The following CLIC6 variants were observed in gnomAD, a reference collection of about 807,000 sequenced individuals.
CLIC6 encodes the protein CLIC family member 6.
In CLIC6, 39 loss-of-function variants were observed where a neutral mutation model predicts 49.2. The ratio of observed to expected loss-of-function variants is 0.79; its 90% CI spans 0.61 to 1.04. The LOEUF (loss-of-function observed/expected upper bound fraction) is 1.04, where lower values mean the gene tolerates loss of function less well. Ranked by LOEUF, CLIC6 falls within the 50% of genes least tolerant of loss-of-function variation. The pLI is 0.00. For synonymous variants in CLIC6, 446 were observed against 433.4 expected (o/e 1.03, Z -0.36); for missense variants, 988 against 993.1 (o/e 0.99, Z 0.07).
chr21:34,716,263 C>A (rs891927987), intron 5 of CLIC6, 58 bp from the exon 6 acceptor site: 4 of 1,445,556 alleles, frequency 2.8e-6, no homozygotes, highest in Non-Finnish European at 1.9e-6. Flanking sequence ...GACTGTCTGA[C>A]TTGGGAGCCT....
intron 5 of CLIC6, among the ~76,000 whole-genome samples, chr21:34,710,274 T>C (rs2056047514): frequency 6.6e-6 from 1 of 151,970 alleles, no homozygotes; most frequent in African/African-American, 2.4e-5. Context: ...TGAGACCCCA[T>C]CTCTAAAAAC....
chr21:34,671,518 A>G lies in CLIC6; in HGVS notation c.1374+756A>G, dbSNP rs151080536. Among the ~76,000 whole-genome samples the G allele has an allele frequency of 1.2e-3, 187 of 152,358 alleles. 1 individual carries two copies. Among genetic ancestry groups the G allele is most frequent in the African/African-American group, 4.2e-3 (176 of 41,586 alleles). ...ATTCTGTGAAGGAATCTGTAGAGAC[A>G]CAACTGAGGAAGTTTTGAATTTAAA... On this transcript the variant is annotated intron_variant, in intron 1 of 5. Transcript: ENST00000349499.
At chr21:34,693,944 C>A in intron 1 of CLIC6, among the ~76,000 whole-genome samples, 1 of 147,816 alleles carries the variant, frequency 6.8e-6, no homozygotes, top group Admixed American at 6.7e-5. Flanking sequence ...CTTATGAGAT[C>A]TGTTGTTGTT....
intron 1 of CLIC6, among the ~76,000 whole-genome samples, chr21:34,696,855 T>A (rs1227052129): frequency 1.3e-5 from 2 of 152,208 alleles, no homozygotes; most frequent in Non-Finnish European, 2.9e-5. Context: ...ATTATGTATC[T>A]CCTTTTTAGA....
chr21:34,687,059 C>T (rs749910527), intron 1 of CLIC6, among the ~76,000 whole-genome samples: 1 of 152,090 alleles, frequency 6.6e-6, no homozygotes, highest in African/African-American at 2.4e-5. Flanking sequence ...TAATTTGTTA[C>T]GTGGCAATTG....
At chr21:34,712,492 C>T (rs1453545217) in intron 5 of CLIC6, among the ~76,000 whole-genome samples, 2 of 152,094 alleles carry the variant, frequency 1.3e-5, no homozygotes, top group East Asian at 3.9e-4. Context: ...TCCTGAAATA[C>T]CCAACTCAAA....
chr21:34,710,862 T>C (rs1262791790), intron 5 of CLIC6, among the ~76,000 whole-genome samples: 1 of 151,930 alleles, frequency 6.6e-6, no homozygotes, highest in African/African-American at 2.4e-5. Context: ...AAACAAGAAA[T>C]GTAAGTCCCC....
At chr21:34,707,704 CTCTG>C (rs747594260) in intron 2 of CLIC6, among the ~76,000 whole-genome samples, 4 of 152,178 alleles carry the variant, frequency 2.6e-5, no homozygotes, top group Non-Finnish European at 4.4e-5. Context: ...ACTTTTTCAC[CTCTG>C]TTTGTTGATA....
chr21:34,669,612 G>C lies in CLIC6; in HGVS notation c.224G>C (p.Gly75Ala), dbSNP rs1989486770. 20 of 1,277,334 alleles carry C rather than the reference G, an allele frequency of 1.6e-5. No individual in the cohort carries two copies. The highest frequency in any genetic ancestry group is 1.9e-5 in the Non-Finnish European group (19 of 1,015,176). The allele number at this position is 1,277,334 out of a possible 1,614,324, so 79.1% of individuals were successfully genotyped here. ...PDRGPEAEAR[G>A]TRGAHGETEA... ...AGGGGCCCGGAGGCCGAGGCGCGGGGCACGAGGGGGGCGCACGGCGAGACT... is the reference window on the plus strand; with the variant it reads ...AGGGGCCCGGAGGCCGAGGCGCGGGCCACGAGGGGGGCGCACGGCGAGACT... The change falls in exon 1 of 6, where the codon GGC (glycine) becomes GCC (alanine). Residue 75 changes from glycine (G) to alanine (A), a missense_variant. By Grantham distance (60) the Gly-to-Ala change is moderately conservative (BLOSUM62 0). Coordinates refer to ENST00000349499, the MANE Select transcript of CLIC6 (RefSeq NM_053277.3).
intron 1 of CLIC6, among the ~76,000 whole-genome samples, chr21:34,695,820 C>A (rs896654417): frequency 1.3e-5 from 2 of 152,208 alleles, no homozygotes; most frequent in African/African-American, 4.8e-5. Flanking sequence ...GACCCAAATT[C>A]TTTTGGCTAA....
chr21:34,669,609 G>C lies in CLIC6; in HGVS notation c.221G>C (p.Arg74Pro), dbSNP rs561126805. ...GPDRGPEAEA[R>P]GTRGAHGETE... is the part of the protein sequence containing the mutation. The stretch of plus-strand genomic sequence containing the variant: ...GACAGGGGCCCGGAGGCCGAGGCGC[G>C]GGGCACGAGGGGGGCGCACGGCGAG... Residue 74 changes from arginine to proline, a missense_variant, in exon 1 of 6, where the codon CGG becomes CCG. Physicochemically the swap from Arg to Pro is moderately radical, Grantham distance 103. Transcript: ENST00000349499. The C allele has an allele frequency of 6.9e-4, 874 of 1,268,138 alleles. 6 individuals carry two copies. In the African/African-American group the frequency reaches 0.012, roughly 17 times the overall value. 78.6% of individuals were successfully genotyped at this position (1,268,138 alleles called of 1,614,324 possible). A position where few individuals can be genotyped will look rare whatever the true frequency, so the allele number is the denominator to read the frequency against.
At position 34,669,813 on chromosome 21, in the gene CLIC6, A is replaced by G. The variant is rs1989497127; in HGVS notation, c.425A>G (p.Glu142Gly). Residue 142 changes from glutamate (E) to glycine (G), a missense_variant, in exon 1 of 6, where the codon GAG (glutamate) becomes GGG (glycine). This residue lies in a region of CLIC6 where 284 missense variants were observed against 278.6 expected (regional missense o/e 1.02). Transcript: ENST00000349499. ...GCCCCCGAGAGGCAGGAGGAGGCGG[A>G]GCAGAGGCCTGAGGTCCCGGAAGGT... Reference protein sequence around the residue: ...SAAPERQEEAEQRPEVPEGSA... With the variant: ...SAAPERQEEAGQRPEVPEGSA... 2 of 1,409,258 alleles carry G rather than the reference A, an allele frequency of 1.4e-6. No homozygotes were observed. The highest frequency in any genetic ancestry group is 2.9e-5 in the East Asian group (1 of 33,994). The allele number at this position is 1,409,258 out of a possible 1,614,324, so 87.3% of individuals were successfully genotyped here.
Position 34,689,651 on chromosome 21 carries a change from A to T in CLIC6, c.1375-17629A>T, listed in dbSNP as rs1989952085. On this transcript the variant is annotated intron_variant, in intron 1 of 5. Transcript: ENST00000349499. ...GGCTGGATGGACTTGGTGTCCACTGATACTGCTTGACACAGCTCCAGGGGC... is the reference window on the plus strand; with the variant it reads ...GGCTGGATGGACTTGGTGTCCACTGTTACTGCTTGACACAGCTCCAGGGGC... 2.0e-5 allele frequency among the ~76,000 whole-genome samples: 3 copies of T among 149,820 alleles called. No homozygotes were observed. In the South Asian group the frequency reaches 6.4e-4, roughly 32 times the overall value.
Position 34,716,320 on chromosome 21 carries a change from G to T in CLIC6, c.1900-1G>T. ...ACTGATCATTTTCTCTTCATTTTCA[G>T]ATTGTGGCCAAGAAGTACAGAGATT... On this transcript the variant is annotated splice_acceptor_variant, in intron 5 of 5. Transcript: ENST00000349499. LOFTEE classifies it high-confidence loss of function. 5 of 1,610,016 alleles carry T rather than the reference G, an allele frequency of 3.1e-6. No homozygotes were observed. Among genetic ancestry groups the T allele is most frequent in the Non-Finnish European group, 4.2e-6 (5 of 1,178,840 alleles).
intron 1 of CLIC6, among the ~76,000 whole-genome samples, chr21:34,701,624 C>T (rs1990192510): frequency 6.6e-6 from 1 of 152,070 alleles, no homozygotes; most frequent in African/African-American, 2.4e-5. Context: ...CCCGAGGCCA[C>T]ACAATTAGTA....
At position 34,708,146 on chromosome 21, in the gene CLIC6, AGT is replaced by A. The variant is rs142261285; in HGVS notation, c.1610+91_1610+92del. Reference sequence around the variant, plus strand: ...AGTAGTCAGTTCTAAAGCTCTGGGCAGTGTGTGTGTGTGTGGTTTTCTGCAGC... The same window carrying A: ...AGTAGTCAGTTCTAAAGCTCTGGGCAGTGTGTGTGTGTGGTTTTCTGCAGC... On this transcript the variant is annotated intron_variant, in intron 3 of 5. Transcript: ENST00000349499. 4.8e-3 allele frequency: 7,152 copies of A among 1,488,156 alleles called. 2 individuals carry two copies. The highest frequency in any genetic ancestry group is 5.9e-3 in the South Asian group (493 of 84,102). The allele number at this position is 1,488,156 out of a possible 1,614,324, so 92.2% of individuals were successfully genotyped here.
At chr21:34,693,358 C>A (rs1252285957) in intron 1 of CLIC6, among the ~76,000 whole-genome samples, 1 of 152,174 alleles carries the variant, frequency 6.6e-6, no homozygotes, top group Non-Finnish European at 1.5e-5. Context: ...CATTTTCCCA[C>A]AAAACCTAAT....
chr21:34,692,446 C>A (rs1346237536), intron 1 of CLIC6, among the ~76,000 whole-genome samples: 1 of 152,190 alleles, frequency 6.6e-6, no homozygotes, highest in Non-Finnish European at 1.5e-5. Context: ...GCAAATCATA[C>A]CACATAGATG....
intron 1 of CLIC6, among the ~76,000 whole-genome samples, chr21:34,692,435 C>T (rs1031817271): frequency 6.6e-6 from 1 of 152,164 alleles, no homozygotes; most frequent in African/African-American, 2.4e-5. Flanking sequence ...TCCCAGATCT[C>T]GCAAATCATA....
Sources: allele counts gnomAD v4.1 joint callset (sites outside exome capture counted in the v4.1 genomes callset), GRCh38; gene constraint gnomAD v4.1.1; regional missense constraint gnomAD v4.1.1; transcripts MANE v1.5; gene names NCBI Gene and HGNC (gene_info 2026-07-23, HGNC 2026-07-21).